The following DPYD variants were observed in gnomAD, a reference collection of about 807,000 sequenced individuals.
DPYD encodes the protein dihydropyrimidine dehydrogenase.
Under a neutral mutation model 116.2 loss-of-function variants are expected in DPYD, and 109 were observed. That is an observed-to-expected ratio of 0.94 (90% CI 0.80 to 1.10). The LOEUF is 1.10. DPYD is among the 50% of genes least tolerant of loss of function. The pLI, the probability that DPYD is intolerant of heterozygous loss-of-function variation, is 0.00. For synonymous variants in DPYD, 440 were observed against 432.0 expected (o/e 1.02, Z -0.23); for missense variants, 1,302 against 1,254.5 (o/e 1.04, Z -0.57).
At chr1:97,772,498 G>C (rs578085069) in intron 3 of DPYD, among the ~76,000 whole-genome samples, 35 of 152,254 alleles carry the variant, frequency 2.3e-4, no homozygotes, top group Non-Finnish European at 4.3e-4. Context: ...AATTTCAATA[G>C]ATCACATTGA....
At chr1:97,418,631 C>T (rs1298999513) in intron 14 of DPYD, among the ~76,000 whole-genome samples, 5 of 152,066 alleles carry the variant, frequency 3.3e-5, no homozygotes, top group African/African-American at 7.2e-5. Flanking sequence ...AAGTATCACA[C>T]GTTTTCCCAT....
intron 3 of DPYD, among the ~76,000 whole-genome samples, chr1:97,766,486 T>C (rs887083242): frequency 6.6e-6 from 1 of 152,066 alleles, no homozygotes; most frequent in African/African-American, 2.4e-5. Flanking sequence ...TAAAATTGTT[T>C]TTCCTTATAG....
chr1:97,171,168 C>T (rs12133667), intron 20 of DPYD, among the ~76,000 whole-genome samples: 5,956 of 152,212 alleles, frequency 0.039, 156 homozygotes, highest in Middle Eastern at 0.058. Context: ...GACCTGTGAT[C>T]TTTGCCAATA....
intron 8 of DPYD, among the ~76,000 whole-genome samples, chr1:97,668,279 G>A (rs912946126): frequency 2.6e-5 from 4 of 151,950 alleles, no homozygotes; most frequent in Non-Finnish European, 5.9e-5. Context: ...CCAAGAGTAG[G>A]GCTTTGGTTT....
At chr1:97,416,004 A>T (rs1291949496) in intron 14 of DPYD, among the ~76,000 whole-genome samples, 4 of 152,170 alleles carry the variant, frequency 2.6e-5, no homozygotes, top group African/African-American at 4.8e-5. Flanking sequence ...AGATAAGGTA[A>T]CTATTCAATA....
chr1:97,538,617 C>T (rs1650195145), intron 12 of DPYD, among the ~76,000 whole-genome samples: 1 of 152,136 alleles, frequency 6.6e-6, no homozygotes, highest in Non-Finnish European at 1.5e-5. Context: ...ACCTAATAAA[C>T]ACCTATTTCA....
intron 12 of DPYD, among the ~76,000 whole-genome samples, chr1:97,537,485 T>C (rs1650097791): frequency 6.6e-6 from 1 of 152,204 alleles, no homozygotes. Context: ...AATGACAGTT[T>C]ATTAAAGATA....
At chr1:97,708,504 C>T (rs1242424551) in intron 5 of DPYD, among the ~76,000 whole-genome samples, 1 of 152,014 alleles carries the variant, frequency 6.6e-6, no homozygotes, top group Non-Finnish European at 1.5e-5. Flanking sequence ...TTCCAGTGAT[C>T]TATTGTCTAT....
chr1:97,770,546 A>G (rs1412832018), intron 3 of DPYD, among the ~76,000 whole-genome samples: 1 of 152,202 alleles, frequency 6.6e-6, no homozygotes, highest in African/African-American at 2.4e-5. Flanking sequence ...GATATTAATA[A>G]CTGTAGTGAC....
chr1:97,589,315 T>C (rs1001593535), intron 10 of DPYD, among the ~76,000 whole-genome samples: 11 of 152,232 alleles, frequency 7.2e-5, no homozygotes, highest in Admixed American at 5.9e-4. Context: ...TCATTTTGAA[T>C]TGTAATCCCC....
intron 3 of DPYD, among the ~76,000 whole-genome samples, chr1:97,741,445 A>C (rs1664267376): frequency 6.6e-6 from 1 of 152,138 alleles, no homozygotes; most frequent in Non-Finnish European, 1.5e-5. Context: ...ACTGAGTCCA[A>C]GTTACTGACC....
chr1:97,681,158 T>C (rs1166082870), intron 7 of DPYD, among the ~76,000 whole-genome samples: 1 of 152,144 alleles, frequency 6.6e-6, no homozygotes, highest in South Asian at 2.1e-4. Context: ...CAGATAATGA[T>C]ACTAAAGGAC....
At chr1:97,207,604 A>G (rs565887731) in intron 19 of DPYD, among the ~76,000 whole-genome samples, 1 of 152,280 alleles carries the variant, frequency 6.6e-6, no homozygotes, top group Admixed American at 6.5e-5. Context: ...ACCCTATAAA[A>G]GATCTCATTT....
intron 20 of DPYD, among the ~76,000 whole-genome samples, chr1:97,185,059 CCATT>C (rs1345551744): frequency 6.6e-6 from 1 of 151,946 alleles, no homozygotes; most frequent in African/African-American, 2.4e-5. Context: ...TTGCTGAAGG[CCATT>C]ATTATGATTG....
At chr1:97,479,991 CT>C (rs1324920085) in intron 13 of DPYD, among the ~76,000 whole-genome samples, 2 of 152,130 alleles carry the variant, frequency 1.3e-5, no homozygotes, top group Non-Finnish European at 2.9e-5. Context: ...TTCTGGGAAA[CT>C]TTTTTTCCCT....
intron 8 of DPYD, among the ~76,000 whole-genome samples, chr1:97,632,682 G>A (rs894223984): frequency 2.0e-5 from 3 of 152,106 alleles, no homozygotes; most frequent in South Asian, 2.1e-4. Context: ...TGATTGAAAT[G>A]TTGTGCAAAT....
chr1:97,775,860 G>C (rs1362065415), intron 3 of DPYD, among the ~76,000 whole-genome samples: 1 of 152,092 alleles, frequency 6.6e-6, no homozygotes, highest in African/African-American at 2.4e-5. Context: ...GAATATTACT[G>C]AGTTTGTCTC....
intron 10 of DPYD, among the ~76,000 whole-genome samples, chr1:97,577,169 T>C (rs1395473761): frequency 6.6e-6 from 1 of 152,214 alleles, no homozygotes; most frequent in Non-Finnish European, 1.5e-5. Flanking sequence ...GACTTTGTTA[T>C]AGCAGAAGAA....
intron 19 of DPYD, among the ~76,000 whole-genome samples, chr1:97,195,393 T>C (rs1226257335): frequency 8.6e-5 from 13 of 150,976 alleles, no homozygotes; most frequent in Admixed American, 8.6e-4. Context: ...TTTTGGGTCT[T>C]TGATTAAATA....
Sources: gnomAD v4.1 joint callset for allele counts (sites outside exome capture counted in the v4.1 genomes callset) on GRCh38, gnomAD v4.1.1 for gene constraint, MANE v1.5 for transcripts, NCBI Gene and HGNC (gene_info 2026-07-23, HGNC 2026-07-21) for gene names.